Variants in BIRC2 observed in about 807,000 individuals in gnomAD.
BIRC2 encodes baculoviral IAP repeat containing 2.
BIRC2 carries 18 observed loss-of-function variants against 60.9 expected under a neutral mutation model. That is an observed-to-expected ratio of 0.30 (90% CI 0.20 to 0.44). The LOEUF (loss-of-function observed/expected upper bound fraction) is 0.44. Ranked by LOEUF, BIRC2 falls within the 20% of genes least tolerant of loss-of-function variation. The pLI, the probability that BIRC2 is intolerant of heterozygous loss-of-function variation, is 1.00. For synonymous variants in BIRC2, 282 were observed against 247.7 expected, an observed-to-expected ratio of 1.14 and a Z score of -1.30; for missense variants, 701 against 728.5, an observed-to-expected ratio of 0.96 and a Z score of 0.43.
chr11:102,362,778 A>C (rs777301718), intron 3 of BIRC2, 118 bp from the exon 4 acceptor site: 18 of 683,140 alleles, frequency 2.6e-5, no homozygotes, highest in Admixed American at 1.0e-4. Flanking sequence ...CTGGGTTGTG[A>C]CGTAAAATGT....
intron 6 of BIRC2, among the ~76,000 whole-genome samples, chr11:102,373,130 G>C (rs1951654683): frequency 1.3e-5 from 2 of 150,658 alleles, no homozygotes; most frequent in South Asian, 2.1e-4. Context: ...CAATTTGCCA[G>C]TCTGTGTCTT....
chr11:102,347,501 G>C (rs2135800308), intron 1 of BIRC2, 125 bp downstream of exon 1: 1 of 152,388 alleles, frequency 6.6e-6, no homozygotes, highest in South Asian at 2.1e-4. Flanking sequence ...CTTCGGCCAA[G>C]GGTCGAGGGT....
intron 5 of BIRC2, 87 bp from the exon 6 acceptor site, chr11:102,368,219 A>G: frequency 7.0e-7 from 1 of 1,435,206 alleles, no homozygotes; most frequent in Non-Finnish European, 9.5e-7. Flanking sequence ...TATGAGAGTA[A>G]AGGATGAATA....
At position 102,349,208 on chromosome 11, in the gene BIRC2, T is replaced by C. The variant is rs1355763118; in HGVS notation, c.-647T>C. On this transcript the variant is annotated 5_prime_UTR_variant, in exon 2 of 9. Transcript: ENST00000227758. ...TTCAACAAAGCTTGTGGGTATTGAC[T>C]TCCCCCAAAAGTTGTCAGCTGAAGT... 1 of 151,832 alleles carries C rather than the reference T, an allele frequency of 6.6e-6. No individual in the cohort carries two copies. Among genetic ancestry groups the C allele is most frequent in the Admixed American group, 6.6e-5 (1 of 15,232 alleles). 9.4% of individuals were successfully genotyped at this position (151,832 alleles called of 1,614,324 possible).
At chr11:102,364,174 T>TATATATATATATACAA in intron 5 of BIRC2, among the ~76,000 whole-genome samples, 1 of 78,116 alleles carries the variant, frequency 1.3e-5, no homozygotes, top group South Asian at 4.3e-4. Flanking sequence ...TATATATATA[T>TATATATATATATACAA]ACACACACAC....
Position 102,377,731 on chromosome 11 carries a change from A to T in BIRC2, c.1602A>T (p.Thr534=). The part of the protein sequence containing the change: ...FKNCLKEIDS[T]LYKNLFVDKN... The stretch of plus-strand genomic sequence containing the variant: ...ACTGTCTAAAAGAAATTGACTCTAC[A>T]TTGTATAAGAACTTATTTGGTGAGT... The change falls in exon 7 of 9, where the codon ACA becomes ACT. Residue 534 remains threonine, a synonymous_variant. Coordinates refer to ENST00000227758, the MANE Select transcript of BIRC2 (RefSeq NM_001166.5). 1 of 1,604,354 alleles carries T rather than the reference A, an allele frequency of 6.2e-7. No homozygotes were observed. The highest frequency in any genetic ancestry group is 8.5e-7 in the Non-Finnish European group (1 of 1,177,948).
Position 102,349,955 on chromosome 11 carries a change from G to A in BIRC2, c.101G>A (p.Ser34Asn), listed in dbSNP as rs368571070. ...DSTILSDWTN[S>N]NKQKMKYDFS... Reference sequence around the variant, plus strand: ...ACGATCTTGTCAGATTGGACAAACAGCAACAAACAAAAAATGAAGTATGAC... The same window carrying A: ...ACGATCTTGTCAGATTGGACAAACAACAACAAACAAAAAATGAAGTATGAC... Residue 34 changes from serine (S) to asparagine (N), a missense_variant, in exon 2 of 9, where the codon AGC becomes AAC. Physicochemically the swap from Ser to Asn is conservative, Grantham distance 46 (BLOSUM62 1). Transcript: ENST00000227758. 6.8e-6 allele frequency: 11 copies of A among 1,614,052 alleles called. No homozygotes were observed. Among genetic ancestry groups the A allele is most frequent in the Non-Finnish European group, 9.3e-6 (11 of 1,180,024 alleles).
At chr11:102,376,320 G>T (rs537114802) in intron 6 of BIRC2, among the ~76,000 whole-genome samples, 2 of 152,306 alleles carry the variant, frequency 1.3e-5, no homozygotes, top group African/African-American at 4.8e-5. Flanking sequence ...GTAGAATTGG[G>T]AATGACATGG....
chr11:102,364,176 CACACACACACAG>C (rs1565335642), intron 5 of BIRC2, among the ~76,000 whole-genome samples: 3 of 49,498 alleles, frequency 6.1e-5, no homozygotes, highest in African/African-American at 3.9e-4. Context: ...TATATATATA[CACACACACACAG>C]AGAGAGAGAG....
intron 3 of BIRC2, among the ~76,000 whole-genome samples, chr11:102,357,768 C>T (rs1002136136): frequency 2.0e-5 from 3 of 152,102 alleles, no homozygotes; most frequent in East Asian, 1.9e-4. Context: ...TTTTTGTAGT[C>T]TCTATTTCAT....
In BIRC2 at chr11:102,349,908, TAA is replaced by T. The variant is rs1438313436; in HGVS notation, c.55_56del (p.Lys19GlufsTer6). 2 of 1,613,892 alleles carry T rather than the reference TAA, an allele frequency of 1.2e-6. No homozygotes were observed. On this transcript the variant is annotated frameshift_variant, in exon 2 of 9. Coordinates refer to ENST00000227758, the MANE Select transcript of BIRC2 (RefSeq NM_001166.5). LOFTEE classifies it high-confidence loss of function. Reference sequence around the variant, plus strand: ...TCCCAGGTCCCTCGTATCAAAACATTAAGAGTATAATGGAAGATAGCACGATC... The same window carrying T: ...TCCCAGGTCCCTCGTATCAAAACATTGAGTATAATGGAAGATAGCACGATC... ...LFPGPSYQNIKSIMEDSTILS... is the reference protein window; with the variant it reads ...LFPGPSYQNIXSIMEDSTILS...
At chr11:102,364,606 C>G (rs533701898) in intron 5 of BIRC2, among the ~76,000 whole-genome samples, 1 of 152,128 alleles carries the variant, frequency 6.6e-6, no homozygotes, top group Non-Finnish European at 1.5e-5. Context: ...AGGTAGTAAT[C>G]CCGTTTTATG....
intron 6 of BIRC2, among the ~76,000 whole-genome samples, chr11:102,374,833 G>A (rs1951688011): frequency 6.6e-6 from 1 of 152,226 alleles, no homozygotes; most frequent in Admixed American, 6.5e-5. Context: ...CGTGGGCGTA[G>A]GACCCTCCGA....
chr11:102,359,582 C>T (rs1002535304), intron 3 of BIRC2, among the ~76,000 whole-genome samples: 1 of 152,136 alleles, frequency 6.6e-6, no homozygotes, highest in Non-Finnish European at 1.5e-5. Flanking sequence ...ATATCTCTTT[C>T]ATTTCTGAAG....
At chr11:102,374,795 A>G (rs1951686882) in intron 6 of BIRC2, among the ~76,000 whole-genome samples, 1 of 152,072 alleles carries the variant, frequency 6.6e-6, no homozygotes, top group Non-Finnish European at 1.5e-5. Context: ...TTGATCTCAG[A>G]CTGCTGTGCT....
At chr11:102,356,134 A>G (rs560717398) in intron 3 of BIRC2, among the ~76,000 whole-genome samples, 1 of 151,358 alleles carries the variant, frequency 6.6e-6, no homozygotes, top group South Asian at 2.1e-4. Flanking sequence ...ATTATATTGA[A>G]TAGACGTGGC....
chr11:102,355,376 A>G (rs531794344), intron 3 of BIRC2, among the ~76,000 whole-genome samples: 94 of 152,296 alleles, frequency 6.2e-4, no homozygotes, highest in Non-Finnish European at 7.6e-4. Flanking sequence ...GAGACTTATC[A>G]TTTCAACATT....
chr11:102,351,118 G>A (rs986350144), intron 3 of BIRC2, among the ~76,000 whole-genome samples, 175 bp downstream of exon 3: 1 of 152,154 alleles, frequency 6.6e-6, no homozygotes, highest in African/African-American at 2.4e-5. Flanking sequence ...AAAATATTCT[G>A]CAGTCTTCTG....
At chr11:102,372,657 G>C (rs1438426913) in intron 6 of BIRC2, among the ~76,000 whole-genome samples, 3 of 139,998 alleles carry the variant, frequency 2.1e-5, no homozygotes, top group Admixed American at 7.3e-5. Flanking sequence ...ATTTGGGGTG[G>C]AGAGTTCTGT....
Sources: gnomAD v4.1 joint callset for allele counts (sites outside exome capture counted in the v4.1 genomes callset) on GRCh38, gnomAD v4.1.1 for gene constraint, MANE v1.5 for transcripts, NCBI Gene and HGNC (gene_info 2026-07-23, HGNC 2026-07-21) for gene names.